The following DCDC1 variants were observed in gnomAD, a reference collection of about 807,000 sequenced individuals.
The protein encoded by DCDC1 is doublecortin domain containing 1.
DCDC1 carries 200 observed loss-of-function variants against 178.3 expected under a neutral mutation model. The ratio of observed to expected loss-of-function variants is 1.12; its 90% CI spans 1.00 to 1.26. The LOEUF is 1.26. Ranked by LOEUF, DCDC1 falls within the 50% of genes most tolerant of loss-of-function variation. The pLI, the probability that DCDC1 is intolerant of heterozygous loss-of-function variation, is 0.00. For synonymous variants in DCDC1, 690 were observed against 604.8 expected, an observed-to-expected ratio of 1.14 and a Z score of -2.07; for missense variants, 1,983 against 1,749.2, an observed-to-expected ratio of 1.13 and a Z score of -2.38.
intron 9 of DCDC1, among the ~76,000 whole-genome samples, chr11:31,152,975 C>T (rs974156618): frequency 6.6e-6 from 1 of 152,188 alleles, no homozygotes; most frequent in Non-Finnish European, 1.5e-5. Flanking sequence ...CCATCTATCT[C>T]TACATATTGT....
chr11:31,055,125 T>C (rs552172450), intron 20 of DCDC1, among the ~76,000 whole-genome samples: 18 of 151,852 alleles, frequency 1.2e-4, no homozygotes, highest in African/African-American at 4.1e-4. Flanking sequence ...TACAACGAAC[T>C]CAAACACATC....
rs758512629 is a variant in DCDC1 at position 31,307,802 on chromosome 11, CTTCTG to C, written c.266_270del (p.Ser89TrpfsTer19). On this transcript the variant is annotated frameshift_variant, in exon 4 of 39. Coordinates refer to ENST00000684477, the MANE Select transcript of DCDC1 (RefSeq NM_001387274.1). LOFTEE classifies it high-confidence loss of function. ...GTGGAGCAATCTTGAAGTCCTGACC[CTTCTG>C]ATACTGCTGCTGAATGCACGAGTCT... is the stretch of plus-strand genomic sequence containing the variant. The C allele has an allele frequency of 6.2e-7, 1 of 1,614,090 alleles. No homozygotes were observed. The highest frequency in any genetic ancestry group is 8.5e-7 in the Non-Finnish European group (1 of 1,179,994).
chr11:31,224,758 A>G (rs1486519152), intron 9 of DCDC1, among the ~76,000 whole-genome samples: 1 of 152,114 alleles, frequency 6.6e-6, no homozygotes, highest in African/African-American at 2.4e-5. Flanking sequence ...TATGAAGAAA[A>G]TGCTCAACAT....
Position 31,091,401 on chromosome 11 carries a change from T to C in DCDC1, c.2229A>G (p.Leu743=). The change falls in exon 17 of 39, where the codon TTA becomes TTG. Residue 743 remains leucine, a synonymous_variant. Transcript: ENST00000684477. Reference sequence around the variant, plus strand: ...TAATTTATAAGCATTACCTTTTCTGTAAGATTAATTTATATCCTTCTAGTG... The same window carrying C: ...TAATTTATAAGCATTACCTTTTCTGCAAGATTAATTTATATCCTTCTAGTG... The part of the protein sequence containing the change: ...GTSLEGYKLI[L]QKRHSGDDSQ... 1 of 743,746 alleles carries C rather than the reference T, an allele frequency of 1.3e-6. No individual in the cohort carries two copies. 46.1% of individuals were successfully genotyped at this position (743,746 alleles called of 1,614,324 possible).
intron 21 of DCDC1, among the ~76,000 whole-genome samples, chr11:30,945,248 T>A (rs376944891): frequency 6.6e-6 from 1 of 152,012 alleles, no homozygotes; most frequent in Non-Finnish European, 1.5e-5. Flanking sequence ...ATTATAGGTG[T>A]GAGCCATCGC....
chr11:31,049,809 C>T (rs1460689011), intron 20 of DCDC1, among the ~76,000 whole-genome samples: 7 of 152,160 alleles, frequency 4.6e-5, no homozygotes, highest in Middle Eastern at 3.4e-3. Flanking sequence ...GTTAGAGAGC[C>T]GAGTGAAATA....
chr11:31,231,234 A>G (rs1488500793), intron 9 of DCDC1, among the ~76,000 whole-genome samples: 1 of 152,146 alleles, frequency 6.6e-6, no homozygotes, highest in Non-Finnish European at 1.5e-5. Flanking sequence ...AAGTGCTAAG[A>G]CAATCAGAAA....
intron 9 of DCDC1, among the ~76,000 whole-genome samples, chr11:31,140,678 A>G (rs544923904): frequency 6.6e-6 from 1 of 152,262 alleles, no homozygotes; most frequent in East Asian, 1.9e-4. Context: ...ACTGAACAAA[A>G]TTTTTTCAGG....
chr11:31,204,003 T>G (rs762474648), intron 9 of DCDC1, among the ~76,000 whole-genome samples: 1 of 152,224 alleles, frequency 6.6e-6, no homozygotes, highest in Non-Finnish European at 1.5e-5. Flanking sequence ...CATATAACAT[T>G]AATAAGCAAC....
At chr11:31,278,343 G>T (rs1250933227) in intron 7 of DCDC1, among the ~76,000 whole-genome samples, 2 of 152,056 alleles carry the variant, frequency 1.3e-5, no homozygotes, top group Non-Finnish European at 2.9e-5. Context: ...TTAAAAAGGA[G>T]AAACTCTTGT....
chr11:31,341,812 T>TAC (rs34730979), intron 1 of DCDC1, among the ~76,000 whole-genome samples: 1,714 of 144,554 alleles, frequency 0.012, 18 homozygotes, highest in East Asian at 0.025. Context: ...TGCATGACTA[T>TAC]ACACACACAC....
chr11:31,066,874 G>A (rs1281405727), intron 18 of DCDC1, among the ~76,000 whole-genome samples: 1 of 152,168 alleles, frequency 6.6e-6, no homozygotes, highest in African/African-American at 2.4e-5. Context: ...TGGTAATGAT[G>A]TGTCAGTGTA....
Position 30,967,516 on chromosome 11 carries a change from GACAA to G in DCDC1, c.2592-14952_2592-14949del, listed in dbSNP as rs1302950296. Among the ~76,000 whole-genome samples, 2 of 152,132 alleles carry G rather than the reference GACAA, an allele frequency of 1.3e-5. 1 individual carries two copies. The highest frequency in any genetic ancestry group is 4.8e-5 in the African/African-American group (2 of 41,412). ...CAAGCATTCTTATACACCAACAACA[GACAA>G]ACAGAGAGATATCTTAGAAAATTTC... On this transcript the variant is annotated intron_variant, in intron 20 of 38. Coordinates refer to ENST00000684477, the MANE Select transcript of DCDC1 (RefSeq NM_001387274.1).
intron 1 of DCDC1, among the ~76,000 whole-genome samples, chr11:31,357,371 T>C (rs1183540584): frequency 7.0e-6 from 1 of 141,968 alleles, no homozygotes; most frequent in Non-Finnish European, 1.5e-5. Flanking sequence ...GAAAAGGCCT[T>C]TGACAAAATT....
chr11:31,270,412 T>G (rs1246495346), intron 7 of DCDC1, among the ~76,000 whole-genome samples: 4 of 152,196 alleles, frequency 2.6e-5, no homozygotes, highest in Non-Finnish European at 5.9e-5. Flanking sequence ...AAACCAAAAT[T>G]ATTTTGTTTG....
At chr11:31,297,860 C>T (rs911393155) in intron 6 of DCDC1, among the ~76,000 whole-genome samples, 1 of 152,078 alleles carries the variant, frequency 6.6e-6, no homozygotes, top group African/African-American at 2.4e-5. Flanking sequence ...CTTCGAGTTG[C>T]CCCACCTTTG....
intron 8 of DCDC1, among the ~76,000 whole-genome samples, chr11:31,243,536 A>G (rs967341414): frequency 6.6e-6 from 1 of 151,834 alleles, no homozygotes; most frequent in Non-Finnish European, 1.5e-5. Context: ...TTGTCACAAA[A>G]TAACTTTCAG....
At chr11:31,212,648 G>A (rs1337420492) in intron 9 of DCDC1, among the ~76,000 whole-genome samples, 1 of 152,048 alleles carries the variant, frequency 6.6e-6, no homozygotes, top group East Asian at 1.9e-4. Context: ...TGACATGGGT[G>A]AATAAAAATG....
intron 20 of DCDC1, among the ~76,000 whole-genome samples, chr11:30,978,044 C>T (rs1249404134): frequency 6.6e-6 from 1 of 152,186 alleles, no homozygotes; most frequent in Admixed American, 6.5e-5. Flanking sequence ...AATTAGAATT[C>T]TTTTTCTGTA....
Sources: gnomAD v4.1 joint callset for allele counts (sites outside exome capture counted in the v4.1 genomes callset) on GRCh38, gnomAD v4.1.1 for gene constraint, MANE v1.5 for transcripts, NCBI Gene and HGNC (gene_info 2026-07-23, HGNC 2026-07-21) for gene names.